Variants in HLCS observed in about 807,000 individuals in gnomAD.
HLCS encodes the protein biotin--protein ligase.
HLCS carries 53 observed loss-of-function variants against 75.0 expected under a neutral mutation model. That is an observed-to-expected ratio of 0.71 (90% CI 0.57 to 0.89). The LOEUF is 0.89. HLCS is among the 40% of genes least tolerant of loss of function. HLCS has a pLI of 0.00. For missense variants in HLCS, 966 were observed against 1,074.0 expected (o/e 0.90, Z 1.41); for synonymous variants, 431 against 428.6 (o/e 1.01, Z -0.07).
chr21:36,877,712 T>G (rs141275878), intron 6 of HLCS, among the ~76,000 whole-genome samples: 100 of 152,322 alleles, frequency 6.6e-4, no homozygotes, highest in African/African-American at 2.3e-3. Flanking sequence ...AGTTTCCCTC[T>G]AGTGTTTTTC....
rs2062632915 is a variant in HLCS at position 36,842,012 on chromosome 21, T to A, written c.1892+54848A>T. Among the ~76,000 whole-genome samples the A allele has an allele frequency of 6.6e-6, 1 of 152,252 alleles. No homozygotes were observed. Among genetic ancestry groups the A allele is most frequent in the Non-Finnish European group, 1.5e-5 (1 of 68,014 alleles). Reference sequence around the variant, plus strand: ...ACTCAACAAAAATGCTTACATATGTTCACCAAAAGAATCAGATGGTTCATA... The same window carrying A: ...ACTCAACAAAAATGCTTACATATGTACACCAAAAGAATCAGATGGTTCATA... On this transcript the variant is annotated intron_variant, in intron 6 of 10. Coordinates refer to ENST00000674895, the MANE Select transcript of HLCS (RefSeq NM_001352514.2). This position sits in a 1 kb window ranked among gnomAD's most constrained non-coding sequence, Gnocchi z 4.2.
intron 5 of HLCS, among the ~76,000 whole-genome samples, chr21:36,926,647 A>C (rs945902786): frequency 6.6e-6 from 1 of 152,162 alleles, no homozygotes; most frequent in Admixed American, 6.5e-5. Flanking sequence ...TTTGGAAAAT[A>C]CAGAGAAAGT....
At chr21:36,946,877 A>G (rs146968163) in intron 2 of HLCS, among the ~76,000 whole-genome samples, 2,632 of 152,306 alleles carry the variant, frequency 0.017, 44 homozygotes, top group Non-Finnish European at 0.028. Flanking sequence ...AGAGTTCTAC[A>G]TTTCAGAAAT....
intron 6 of HLCS, among the ~76,000 whole-genome samples, chr21:36,868,729 G>A (rs2063661740): frequency 6.6e-6 from 1 of 152,114 alleles, no homozygotes; most frequent in Non-Finnish European, 1.5e-5. Flanking sequence ...CAATTGGCTG[G>A]CACGACGACT....
At chr21:36,827,311 G>A (rs1287033668) in intron 6 of HLCS, among the ~76,000 whole-genome samples, 4 of 152,176 alleles carry the variant, frequency 2.6e-5, no homozygotes, top group African/African-American at 9.6e-5. Flanking sequence ...GCTCACACTT[G>A]TAATCCCAGC....
At chr21:36,828,023 C>G (rs1240035033) in intron 6 of HLCS, among the ~76,000 whole-genome samples, 3 of 152,028 alleles carry the variant, frequency 2.0e-5, no homozygotes, top group Non-Finnish European at 2.9e-5. Flanking sequence ...CCGTGTTAGC[C>G]AGGATGGTCT....
intron 6 of HLCS, among the ~76,000 whole-genome samples, chr21:36,788,191 G>A (rs1045653966): frequency 1.3e-5 from 2 of 152,212 alleles, no homozygotes; most frequent in Non-Finnish European, 2.9e-5. Context: ...AATGCTCGGT[G>A]AAGCGTCTTC....
Position 36,754,425 on chromosome 21 carries a change from G to A in HLCS, c.2451-8C>T, listed in dbSNP as rs373177254. 4 of 1,610,712 alleles carry A rather than the reference G, an allele frequency of 2.5e-6. No homozygotes were observed. Among genetic ancestry groups the A allele is most frequent in the Non-Finnish European group, 3.4e-6 (4 of 1,179,776 alleles). On this transcript the variant is annotated splice_polypyrimidine_tract_variant and splice_region_variant and intron_variant, in intron 10 of 10. Transcript: ENST00000674895. ...AGATGGACTTGCTGACCACTGAAAA[G>A]GAAGAACAGCGTGCGGTCACTGGGA...
At chr21:36,935,256 C>T (rs905337168) in intron 4 of HLCS, among the ~76,000 whole-genome samples, 2 of 152,224 alleles carry the variant, frequency 1.3e-5, no homozygotes, top group East Asian at 3.8e-4. Context: ...AAAGCTAATT[C>T]ATGTGGCCTG....
chr21:36,784,942 T>C (rs2060642692), intron 6 of HLCS, among the ~76,000 whole-genome samples: 1 of 152,080 alleles, frequency 6.6e-6, no homozygotes, highest in Non-Finnish European at 1.5e-5. Context: ...ACCTACAGAG[T>C]GAAGGGGCAT....
chr21:36,796,125 T>C (rs972104188), intron 6 of HLCS, among the ~76,000 whole-genome samples: 6 of 152,306 alleles, frequency 3.9e-5, no homozygotes, highest in Admixed American at 1.3e-4. Flanking sequence ...TAGTATAATC[T>C]CAATTCTTCA....
intron 6 of HLCS, among the ~76,000 whole-genome samples, chr21:36,811,526 C>G (rs931359442): frequency 6.6e-6 from 1 of 152,192 alleles, no homozygotes; most frequent in African/African-American, 2.4e-5. Flanking sequence ...AATGCCCTCC[C>G]TGCTGCTGTT....
At chr21:36,773,596 C>T (rs1289087716) in intron 6 of HLCS, among the ~76,000 whole-genome samples, 1 of 152,216 alleles carries the variant, frequency 6.6e-6, no homozygotes, top group Non-Finnish European at 1.5e-5. Context: ...CCAGTCTGTG[C>T]TTCTCTTTGC....
rs551306707 is a variant in HLCS at position 36,883,774 on chromosome 21, G to A, written c.1892+13086C>T. Among the ~76,000 whole-genome samples the A allele has an allele frequency of 2.6e-5, 4 of 152,296 alleles. No individual in the cohort carries two copies. The South Asian group carries it at 8.3e-4, about 32-fold the overall frequency. On this transcript the variant is annotated intron_variant, in intron 6 of 10. Coordinates refer to ENST00000674895, the MANE Select transcript of HLCS (RefSeq NM_001352514.2). ...GAGACTATGCAATGGGCTTTCCACA[G>A]CACCACCTGCTCTGACCTTCCCCAC...
intron 6 of HLCS, among the ~76,000 whole-genome samples, chr21:36,823,522 T>C (rs977670425): frequency 6.6e-6 from 1 of 152,096 alleles, no homozygotes; most frequent in African/African-American, 2.4e-5. Context: ...AATCCTTCCA[T>C]GTACTCTGCA....
At chr21:36,850,893 G>A (rs755539868) in intron 6 of HLCS, among the ~76,000 whole-genome samples, 1 of 152,184 alleles carries the variant, frequency 6.6e-6, no homozygotes, top group Non-Finnish European at 1.5e-5. Context: ...AGCCAGGGAA[G>A]CAAAGGGAGA....
intron 5 of HLCS, among the ~76,000 whole-genome samples, chr21:36,910,152 A>T (rs868361797): frequency 2.6e-5 from 4 of 152,234 alleles, no homozygotes; most frequent in Non-Finnish European, 5.9e-5. Flanking sequence ...TACTATTGGT[A>T]TTTGACACGC....
At chr21:36,861,759 A>C (rs2063389575) in intron 6 of HLCS, among the ~76,000 whole-genome samples, 2 of 152,214 alleles carry the variant, frequency 1.3e-5, no homozygotes, top group Admixed American at 1.3e-4. Context: ...TCTTTTTAAA[A>C]ATAATAGCTT....
intron 6 of HLCS, among the ~76,000 whole-genome samples, chr21:36,792,394 T>C (rs1460803113): frequency 1.3e-5 from 2 of 150,154 alleles, no homozygotes; most frequent in African/African-American, 4.9e-5. Context: ...CATTCAACCG[T>C]TTAGACCTGC....
Sources: gnomAD v4.1 joint callset for allele counts (sites outside exome capture counted in the v4.1 genomes callset) on GRCh38, gnomAD v4.1.1 for gene constraint, Gnocchi (gnomAD v3.1) non-coding constraint, MANE v1.5 for transcripts, NCBI Gene and HGNC (gene_info 2026-07-23, HGNC 2026-07-21) for gene names.